The following NTRK3 variants were observed in gnomAD, a reference collection of about 807,000 sequenced individuals.
The protein encoded by NTRK3 is neurotrophic receptor tyrosine kinase 3.
In NTRK3, 24 loss-of-function variants were observed where a neutral mutation model predicts 91.7. That is an observed-to-expected ratio of 0.26 (90% CI 0.19 to 0.37). The LOEUF is 0.37. Among genes scored for constraint, NTRK3 ranks in the 10% least tolerant of loss-of-function variants. NTRK3 has a pLI of 1.00. For missense variants in NTRK3, 880 were observed against 1,068.9 expected, an observed-to-expected ratio of 0.82 and a Z score of 2.46; for synonymous variants, 483 against 404.0, an observed-to-expected ratio of 1.20 and a Z score of -2.34.
intron 5 of NTRK3, among the ~76,000 whole-genome samples, chr15:88,170,082 C>A (rs1045810452): frequency 6.6e-6 from 1 of 152,136 alleles, no homozygotes; most frequent in Non-Finnish European, 1.5e-5. Flanking sequence ...TGCATGAATT[C>A]TCCTGAGGCA....
At chr15:88,090,541 G>A (rs558216981) in intron 13 of NTRK3, among the ~76,000 whole-genome samples, 2 of 152,268 alleles carry the variant, frequency 1.3e-5, no homozygotes, top group Non-Finnish European at 2.9e-5. Flanking sequence ...ACCCTGGTAG[G>A]AAATCCTTAA....
intron 10 of NTRK3, among the ~76,000 whole-genome samples, chr15:88,134,749 A>T (rs111711461): frequency 6.6e-6 from 1 of 152,240 alleles, no homozygotes; most frequent in Non-Finnish European, 1.5e-5. Context: ...AAGGAAATTG[A>T]TGCTTAGAAA....
chr15:88,213,780 T>A (rs1464254498), intron 3 of NTRK3, among the ~76,000 whole-genome samples: 1 of 151,994 alleles, frequency 6.6e-6, no homozygotes, highest in Non-Finnish European at 1.5e-5. Context: ...ACAGCTTAAG[T>A]AAGATTTGAA....
At chr15:87,888,999 A>C (rs2065704696) in intron 17 of NTRK3, among the ~76,000 whole-genome samples, 1 of 152,042 alleles carries the variant, frequency 6.6e-6, no homozygotes, top group South Asian at 2.1e-4. Flanking sequence ...GCACAGAAAA[A>C]CTTTCTTCTC....
intron 13 of NTRK3, among the ~76,000 whole-genome samples, chr15:88,050,267 G>A (rs1306998118): frequency 2.0e-5 from 3 of 152,068 alleles, no homozygotes; most frequent in Admixed American, 6.6e-5. Context: ...TTTTACAGGT[G>A]GGATTCCAAC....
At chr15:87,924,435 G>T (rs954058528) in intron 17 of NTRK3, among the ~76,000 whole-genome samples, 11 of 152,098 alleles carry the variant, frequency 7.2e-5, no homozygotes, top group African/African-American at 2.7e-4. Context: ...ACTACCTGCT[G>T]CCAGACCTGT....
At chr15:88,186,682 A>G (rs1026700627) in intron 3 of NTRK3, among the ~76,000 whole-genome samples, 12 of 152,238 alleles carry the variant, frequency 7.9e-5, no homozygotes, top group African/African-American at 2.4e-4. Context: ...CATGAAAACT[A>G]CATGAAATTC....
At chr15:88,036,899 C>T (rs1023100563) in intron 13 of NTRK3, among the ~76,000 whole-genome samples, 5 of 152,232 alleles carry the variant, frequency 3.3e-5, no homozygotes, top group African/African-American at 1.2e-4. Context: ...GAAGATACCA[C>T]ATCGAGACTT....
chr15:87,938,397 T>C (rs1369511362), intron 15 of NTRK3, among the ~76,000 whole-genome samples: 4 of 152,134 alleles, frequency 2.6e-5, no homozygotes, highest in African/African-American at 4.8e-5. Flanking sequence ...AGAAGTGGAA[T>C]CTAAGGAGGG....
exon 19 of NTRK3, chr15:87,876,618 G>A (rs1035555759): frequency 4.6e-6 from 1 of 216,474 alleles, no homozygotes; most frequent in Non-Finnish European, 9.2e-6. Context: ...GAGTTTCTGA[G>A]TTGTTAAAGT....
At chr15:88,012,538 C>T (rs1409967115) in intron 14 of NTRK3, among the ~76,000 whole-genome samples, 1 of 152,100 alleles carries the variant, frequency 6.6e-6, no homozygotes, top group Admixed American at 6.5e-5. Flanking sequence ...ATATCACTGT[C>T]ACAAAAAAGT....
intron 3 of NTRK3, among the ~76,000 whole-genome samples, chr15:88,215,765 G>A (rs2049712017): frequency 6.6e-6 from 1 of 152,216 alleles, no homozygotes; most frequent in Admixed American, 6.5e-5. Flanking sequence ...AGCAGTACCA[G>A]GGTAACATCT....
rs145988003 is a variant in NTRK3, at chr15:88,233,906, T to C, written c.248+22000A>G. Among the ~76,000 whole-genome samples the C allele has an allele frequency of 2.4e-3, 371 of 152,334 alleles. No individual in the cohort carries two copies. Among genetic ancestry groups the C allele is most frequent in the African/African-American group, 8.6e-3 (356 of 41,560 alleles). On this transcript the variant is annotated intron_variant, in intron 3 of 18. Transcript: ENST00000394480. This position sits in a 1 kb window ranked among gnomAD's most constrained non-coding sequence, Gnocchi z 4.2. ...CAAATCATTAAATAAGTGAGAACTGTTGGTAAATGTTGAGTCCCACTAGAC... is the reference window on the plus strand; with the variant it reads ...CAAATCATTAAATAAGTGAGAACTGCTGGTAAATGTTGAGTCCCACTAGAC...
chr15:88,019,121 G>T (rs1235884934), intron 14 of NTRK3, among the ~76,000 whole-genome samples: 3 of 152,160 alleles, frequency 2.0e-5, no homozygotes, highest in Admixed American at 6.5e-5. Context: ...CAGTTTACCA[G>T]ACCAGAACAG....
intron 13 of NTRK3, among the ~76,000 whole-genome samples, chr15:88,075,147 G>A (rs547558404): frequency 1.3e-5 from 2 of 152,280 alleles, no homozygotes; most frequent in East Asian, 3.9e-4. Context: ...TGACCCTGCA[G>A]TGTGCATCCC....
At chr15:88,128,365 G>A (rs934359456) in intron 11 of NTRK3, among the ~76,000 whole-genome samples, 1 of 152,126 alleles carries the variant, frequency 6.6e-6, no homozygotes, top group Non-Finnish European at 1.5e-5. Context: ...TATTCTCTCT[G>A]CAAGAACAAC....
At chr15:88,067,241 C>G (rs947837484) in intron 13 of NTRK3, among the ~76,000 whole-genome samples, 2 of 152,134 alleles carry the variant, frequency 1.3e-5, no homozygotes, top group African/African-American at 4.8e-5. Context: ...TTTTTTTTCA[C>G]TTCCTCAATA....
intron 14 of NTRK3, among the ~76,000 whole-genome samples, chr15:88,025,405 T>G (rs536809486): frequency 6.6e-5 from 10 of 152,278 alleles, no homozygotes; most frequent in Middle Eastern, 3.4e-3. Context: ...AAAAGCTAGG[T>G]CAAAGCCCTA....
intron 14 of NTRK3, among the ~76,000 whole-genome samples, chr15:88,004,282 C>T (rs1367696639): frequency 6.6e-6 from 1 of 152,054 alleles, no homozygotes; most frequent in African/African-American, 2.4e-5. Flanking sequence ...TAAGCTATTC[C>T]AGGTAATATA....
Sources: allele counts gnomAD v4.1 joint callset (sites outside exome capture counted in the v4.1 genomes callset), GRCh38; gene constraint gnomAD v4.1.1; non-coding constraint Gnocchi (gnomAD v3.1); transcripts MANE v1.5; gene names NCBI Gene and HGNC (gene_info 2026-07-23, HGNC 2026-07-21).